Variants in LAMC3 observed in about 807,000 individuals in gnomAD.
The protein encoded by LAMC3 is laminin subunit gamma-3.
LAMC3 carries 128 observed loss-of-function variants against 173.8 expected under a neutral mutation model. The observed-to-expected ratio is 0.74, with a 90% CI of 0.64 to 0.85. The LOEUF is 0.85. Among genes scored for constraint, LAMC3 ranks in the 40% least tolerant of loss-of-function variants. The pLI, the probability that LAMC3 is intolerant of heterozygous loss-of-function variation, is 0.00. For missense variants in LAMC3, 2,022 were observed against 2,156.0 expected, an observed-to-expected ratio of 0.94 and a Z score of 1.23; for synonymous variants, 897 against 909.1, an observed-to-expected ratio of 0.99 and a Z score of 0.24.
Position 131,061,061 on chromosome 9 carries a change from G to A in LAMC3, c.2185G>A (p.Glu729Lys), listed in dbSNP as rs540493540. Reference protein sequence around the residue: ...TGICVCSHHTEGPSCERCLPG... With the variant: ...TGICVCSHHTKGPSCERCLPG... Reference sequence around the variant, plus strand: ...GATCTGTGTCTGCAGCCACCATACCGAGGGCCCATCCTGTGAACGCTGTTT... The same window carrying A: ...GATCTGTGTCTGCAGCCACCATACCAAGGGCCCATCCTGTGAACGCTGTTT... Residue 729 changes from glutamate (E) to lysine (K), a missense_variant, in exon 13 of 28, where the codon GAG becomes AAG. By Grantham distance (56) the Glu-to-Lys change is moderately conservative. Coordinates refer to ENST00000361069, the MANE Select transcript of LAMC3 (RefSeq NM_006059.4). The A allele has an allele frequency of 9.9e-6, 16 of 1,614,112 alleles. No homozygotes were observed. Among genetic ancestry groups the A allele is most frequent in the South Asian group, 8.8e-5 (8 of 91,076 alleles).
intron 16 of LAMC3, 119 bp downstream of exon 16, chr9:131,069,169 G>A (rs1053978423): frequency 1.7e-6 from 2 of 1,210,848 alleles, no homozygotes; most frequent in Admixed American, 3.8e-5. Flanking sequence ...ATGGGACAGG[G>A]TCCCGAGAGC....
At position 131,087,583 on chromosome 9, in the gene LAMC3, G is replaced by A. The variant is rs375730811; in HGVS notation, c.4338G>A (p.Ala1446=). The A allele has an allele frequency of 3.1e-4, 494 of 1,614,006 alleles. No homozygotes were observed. Among genetic ancestry groups the A allele is most frequent in the Non-Finnish European group, 3.8e-4 (445 of 1,180,028 alleles). ...TLQQASQQVL[A]SEARRQELEE... ...AACAGGCGTCCCAGCAGGTGCTGGC[G>A]TCTGAAGCACGCAGACAGGAGCTGG... The change falls in exon 26 of 28, where the codon GCG becomes GCA. Residue 1446 remains alanine (A), a synonymous_variant. Transcript: ENST00000361069.
At position 131,061,861 on chromosome 9, in the gene LAMC3, G is replaced by A. The variant is rs530043555; in HGVS notation, c.2347+638G>A. 2.8e-5 allele frequency among the ~76,000 whole-genome samples: 4 copies of A among 145,310 alleles called. 1 individual carries two copies. In the South Asian group the frequency reaches 9.1e-4, roughly 33 times the overall value. On this transcript the variant is annotated intron_variant, in intron 13 of 27. Coordinates refer to ENST00000361069, the MANE Select transcript of LAMC3 (RefSeq NM_006059.4). Reference sequence around the variant, plus strand: ...GTCCAGGAGTTCAAGACCAGCCTGGGCAACATAGTGAGACTCCCATCTCTA... The same window carrying A: ...GTCCAGGAGTTCAAGACCAGCCTGGACAACATAGTGAGACTCCCATCTCTA...
At chr9:131,064,556 G>A (rs553508054) in intron 13 of LAMC3, among the ~76,000 whole-genome samples, 2 of 152,126 alleles carry the variant, frequency 1.3e-5, no homozygotes, top group African/African-American at 4.8e-5. Context: ...CCAGCTACGC[G>A]GGAGGCTGAG....
rs1202313946 is a variant in LAMC3, at chr9:131,029,323, C to T, written c.679-2722C>T. 6.6e-6 allele frequency among the ~76,000 whole-genome samples: 1 copy of T among 152,224 alleles called. No homozygotes were observed. Among genetic ancestry groups the T allele is most frequent in the African/African-American group, 2.4e-5 (1 of 41,448 alleles). ...TTATTTAAAAATTACAATTTCTTCTCCACGGGGCTCCAAAGCTCTGTAGAT... is the reference window on the plus strand; with the variant it reads ...TTATTTAAAAATTACAATTTCTTCTTCACGGGGCTCCAAAGCTCTGTAGAT... On this transcript the variant is annotated intron_variant, in intron 2 of 27. Transcript: ENST00000361069. This position sits in a 1 kb window ranked among gnomAD's most constrained non-coding sequence, Gnocchi z 4.6.
At chr9:131,039,105 A>G (rs763970926) in intron 5 of LAMC3, 26 bp from the exon 6 acceptor site, 22 of 1,611,582 alleles carry the variant, frequency 1.4e-5, no homozygotes, top group Admixed American at 1.2e-4. Context: ...CCTGGCCTCA[A>G]TTGCCCTGTG....
At chr9:131,077,675 T>A (rs1252938698) in intron 22 of LAMC3, among the ~76,000 whole-genome samples, 1 of 29,720 alleles carries the variant, frequency 3.4e-5, no homozygotes, top group Non-Finnish European at 5.7e-5. Flanking sequence ...AGACTCCATC[T>A]CAAAAAAAAA....
Position 131,036,222 on chromosome 9 carries a change from C to T in LAMC3, c.866C>T (p.Ala289Val), listed in dbSNP as rs1170305267. 1 of 1,612,948 alleles carries T rather than the reference C, an allele frequency of 6.2e-7. No individual in the cohort carries two copies. The change falls in exon 4 of 28, where the codon GCC (alanine) becomes GTC (valine). Residue 289 changes from alanine to valine, a missense_variant. Ala to Val is a moderately conservative substitution (Grantham distance 64, BLOSUM62 0). Coordinates refer to ENST00000361069, the MANE Select transcript of LAMC3 (RefSeq NM_006059.4). ...GGCCCCGACGTGGCAGGCCAGTTGG[C>T]CTGCCGGTGCCAGCACAACACCACC... ...ECGPDVAGQL[A>V]CRCQHNTTGT...
intron 1 of LAMC3, among the ~76,000 whole-genome samples, chr9:131,014,914 T>C (rs1833492486): frequency 6.6e-6 from 1 of 152,044 alleles, no homozygotes; most frequent in Non-Finnish European, 1.5e-5. Context: ...GCCTGGGAGT[T>C]CGAGGCTGTA....
chr9:131,085,199 C>G (rs1324257520), intron 24 of LAMC3, among the ~76,000 whole-genome samples: 1 of 152,122 alleles, frequency 6.6e-6, no homozygotes, highest in Non-Finnish European at 1.5e-5. Context: ...ATGAAAATGC[C>G]GAGCTGAGCA....
intron 4 of LAMC3, among the ~76,000 whole-genome samples, chr9:131,037,262 G>A (rs1186969389): frequency 6.6e-6 from 1 of 152,204 alleles, no homozygotes; most frequent in Non-Finnish European, 1.5e-5. Context: ...CAGCTCCATG[G>A]TCACGTCTGT....
At chr9:131,081,369 A>G (rs190192033) in intron 23 of LAMC3, among the ~76,000 whole-genome samples, 2 of 152,200 alleles carry the variant, frequency 1.3e-5, no homozygotes, top group African/African-American at 4.8e-5. Context: ...CTGATCTTCC[A>G]TAAGTCAAGG....
At chr9:131,051,822 A>G (rs997572285) in intron 9 of LAMC3, among the ~76,000 whole-genome samples, 1 of 43,284 alleles carries the variant, frequency 2.3e-5, no homozygotes, top group Non-Finnish European at 5.2e-5. Flanking sequence ...GAGGGAGGGT[A>G]CTGGGAAAGG....
Position 131,074,505 on chromosome 9 carries a change from G to A in LAMC3, c.3494+1184G>A, listed in dbSNP as rs536057198. Among the ~76,000 whole-genome samples, 521 of 151,918 alleles carry A rather than the reference G, an allele frequency of 3.4e-3. 1 individual carries two copies. The highest frequency in any genetic ancestry group is 7.1e-3 in the South Asian group (34 of 4,808). On this transcript the variant is annotated intron_variant, in intron 20 of 27. Transcript: ENST00000361069. ...GAGGTCAGGAGTTCAATACCAGCCT[G>A]GCCAACATGGTAAAACCCCGTCTCC...
intron 1 of LAMC3, among the ~76,000 whole-genome samples, chr9:131,022,047 C>G (rs148168274): frequency 6.6e-6 from 1 of 152,140 alleles, no homozygotes; most frequent in Non-Finnish European, 1.5e-5. Flanking sequence ...GGGTGGGACC[C>G]TCTCTTGGAG....
chr9:131,046,956 G>A (rs370768562), intron 8 of LAMC3, among the ~76,000 whole-genome samples: 3 of 152,082 alleles, frequency 2.0e-5, no homozygotes, highest in Non-Finnish European at 4.4e-5. Flanking sequence ...TGCGCGGACC[G>A]GCGCCGCGTG....
At chr9:131,071,160 G>A (rs1056808938) in intron 17 of LAMC3, among the ~76,000 whole-genome samples, 8 of 152,178 alleles carry the variant, frequency 5.3e-5, no homozygotes, top group Non-Finnish European at 8.8e-5. Context: ...TCCATGTGGC[G>A]TCCTGGGAAC....
chr9:131,041,366 C>CA (rs10526087), intron 6 of LAMC3, among the ~76,000 whole-genome samples: 2 of 114,560 alleles, frequency 1.7e-5, no homozygotes, highest in East Asian at 2.4e-4. Context: ...GACTCTGTCC[C>CA]AAAAAAAAAG....
intron 16 of LAMC3, 29 bp downstream of exon 16, chr9:131,069,079 C>T: frequency 6.2e-7 from 1 of 1,612,234 alleles, no homozygotes; most frequent in Non-Finnish European, 8.5e-7. Context: ...TCCCGGGCTG[C>T]CCTGAGGGTG....
Sources: allele counts gnomAD v4.1 joint callset (sites outside exome capture counted in the v4.1 genomes callset), GRCh38; gene constraint gnomAD v4.1.1; non-coding constraint Gnocchi (gnomAD v3.1); transcripts MANE v1.5; gene names NCBI Gene and HGNC (gene_info 2026-07-23, HGNC 2026-07-21).